Variants in ATP8A2 observed in about 807,000 individuals in gnomAD.
The protein encoded by ATP8A2 is phospholipid-transporting ATPase IB.
In ATP8A2, 100 loss-of-function variants were observed where a neutral mutation model predicts 165.6. That is an observed-to-expected ratio of 0.60 (90% CI 0.51 to 0.71). The LOEUF is 0.71. Among genes scored for constraint, ATP8A2 ranks in the 30% least tolerant of loss-of-function variants. The probability of loss-of-function intolerance (pLI) is 0.00; values close to 1 mark genes in which losing one functional copy is unlikely to be tolerated. For synonymous variants in ATP8A2, 543 were observed against 548.8 expected, an observed-to-expected ratio of 0.99 and a Z score of 0.15; for missense variants, 1,227 against 1,479.5, an observed-to-expected ratio of 0.83 and a Z score of 2.80.
intron 24 of ATP8A2, among the ~76,000 whole-genome samples, chr13:25,694,554 G>T (rs140116401): frequency 6.6e-6 from 1 of 152,180 alleles, no homozygotes; most frequent in Non-Finnish European, 1.5e-5. Context: ...ATTTCCCCAG[G>T]TCAGGGTAAT....
chr13:25,651,589 G>T (rs1170172252), intron 24 of ATP8A2, among the ~76,000 whole-genome samples: 3 of 151,656 alleles, frequency 2.0e-5, no homozygotes, highest in African/African-American at 7.3e-5. Context: ...TATGACTATA[G>T]CATCTCTCAG....
At chr13:25,667,122 C>A (rs974372920) in intron 24 of ATP8A2, among the ~76,000 whole-genome samples, 38 of 152,254 alleles carry the variant, frequency 2.5e-4, no homozygotes, top group Middle Eastern at 3.4e-3. Flanking sequence ...AATTAAAATC[C>A]TGTATCCATT....
At chr13:25,697,681 T>C (rs1481228036) in intron 24 of ATP8A2, among the ~76,000 whole-genome samples, 5 of 152,206 alleles carry the variant, frequency 3.3e-5, no homozygotes, top group Non-Finnish European at 5.9e-5. Flanking sequence ...TAATTTACGT[T>C]GATTAGTTTA....
In ATP8A2 at chr13:25,953,345, G is replaced by A. The variant is rs780657263; in HGVS notation, c.3184-8230G>A. On this transcript the variant is annotated intron_variant, in intron 33 of 36. Coordinates refer to ENST00000381655, the MANE Select transcript of ATP8A2 (RefSeq NM_016529.6). The surrounding 1 kb of genome is among the most constrained non-coding windows in gnomAD (Gnocchi z 6.7). Reference sequence around the variant, plus strand: ...TCTTCTGTAAAATGGGGACGGGGGGGATTAAATAAAATGCTTTATGGGAAG... The same window carrying A: ...TCTTCTGTAAAATGGGGACGGGGGGAATTAAATAAAATGCTTTATGGGAAG... 6.6e-6 allele frequency among the ~76,000 whole-genome samples: 1 copy of A among 151,672 alleles called. No homozygotes were observed. Among genetic ancestry groups the A allele is most frequent in the Non-Finnish European group, 1.5e-5 (1 of 67,946 alleles).
chr13:25,853,414 T>C (rs992733528), intron 30 of ATP8A2, among the ~76,000 whole-genome samples: 1 of 144,974 alleles, frequency 6.9e-6, no homozygotes, highest in Non-Finnish European at 1.5e-5. Context: ...TATATATGTA[T>C]ATATATATAG....
intron 1 of ATP8A2, among the ~76,000 whole-genome samples, chr13:25,379,494 G>A (rs1365139141): frequency 6.6e-6 from 1 of 152,194 alleles, no homozygotes; most frequent in Non-Finnish European, 1.5e-5. Context: ...TGGCCTGGCT[G>A]ATAATATATT....
chr13:25,582,433 G>A (rs1363501207), intron 23 of ATP8A2, among the ~76,000 whole-genome samples: 1 of 152,214 alleles, frequency 6.6e-6, no homozygotes, highest in Non-Finnish European at 1.5e-5. Flanking sequence ...TTGAAGAAAA[G>A]GAATTTAAGT....
chr13:25,513,041 G>A (rs370780842), intron 2 of ATP8A2, among the ~76,000 whole-genome samples: 23,193 of 147,092 alleles, frequency 0.16, 1,886 homozygotes, highest in African/African-American at 0.2. Context: ...CGGACGGGGC[G>A]GCTGGCCTGG....
chr13:25,505,390 A>G (rs2037003219), intron 2 of ATP8A2, among the ~76,000 whole-genome samples: 1 of 152,024 alleles, frequency 6.6e-6, no homozygotes, highest in South Asian at 2.1e-4. Context: ...TATAACCTTA[A>G]TGTCTGATAT....
intron 33 of ATP8A2, among the ~76,000 whole-genome samples, chr13:25,943,040 G>A (rs1450038710): frequency 6.6e-6 from 1 of 152,114 alleles, no homozygotes; most frequent in Non-Finnish European, 1.5e-5. Context: ...ACAGAAGGGA[G>A]GGGTCTGAGC....
chr13:25,403,510 G>A (rs2033704607), intron 1 of ATP8A2, among the ~76,000 whole-genome samples: 3 of 152,162 alleles, frequency 2.0e-5, no homozygotes, highest in Non-Finnish European at 2.9e-5. Context: ...GAGAATTCAA[G>A]TTGAGTTGTG....
At chr13:25,664,266 T>G (rs1400840114) in intron 24 of ATP8A2, among the ~76,000 whole-genome samples, 1 of 152,236 alleles carries the variant, frequency 6.6e-6, no homozygotes, top group African/African-American at 2.4e-5. Context: ...ACAAGAAAGA[T>G]CTTTACTTAC....
At position 25,514,149 on chromosome 13, in the gene ATP8A2, T is replaced by A. The variant is rs1593438599; in HGVS notation, c.222-15850T>A. The stretch of plus-strand genomic sequence containing the variant: ...TTAGCTTTATTTTTCACTTCCTTTT[T>A]TGCAATATTTTAGTTAGGCTAGCGT... On this transcript the variant is annotated intron_variant, in intron 2 of 36. Transcript: ENST00000381655. 2.0e-5 allele frequency among the ~76,000 whole-genome samples: 3 copies of A among 152,248 alleles called. No individual in the cohort carries two copies. The South Asian group carries it at 6.2e-4, about 31-fold the overall frequency.
At chr13:25,813,159 CAT>C (rs1566164760) in intron 27 of ATP8A2, among the ~76,000 whole-genome samples, 1 of 152,062 alleles carries the variant, frequency 6.6e-6, no homozygotes, top group East Asian at 1.9e-4. Flanking sequence ...CACCATAGCA[CAT>C]GTTTACCTAT....
At chr13:25,577,901 G>A (rs6491069) in intron 20 of ATP8A2, among the ~76,000 whole-genome samples, 18,066 of 152,182 alleles carry the variant, frequency 0.12, 1,306 homozygotes, top group Non-Finnish European at 0.18. Context: ...TTGAGTACAC[G>A]ATGAGTAGAG....
At chr13:25,399,427 T>C (rs1468780194) in intron 1 of ATP8A2, among the ~76,000 whole-genome samples, 24 of 71,592 alleles carry the variant, frequency 3.4e-4, no homozygotes, top group Admixed American at 2.3e-3. Context: ...GAGACGGAGT[T>C]TCGCTCTGTC....
chr13:25,653,700 G>A (rs1005709835), intron 24 of ATP8A2, among the ~76,000 whole-genome samples: 5 of 152,164 alleles, frequency 3.3e-5, no homozygotes, highest in African/African-American at 1.2e-4. Flanking sequence ...TTAATAAATT[G>A]CTTAAATGAA....
chr13:25,717,430 A>AAAAAAC (rs1555254276), intron 25 of ATP8A2, among the ~76,000 whole-genome samples: 1 of 151,424 alleles, frequency 6.6e-6, no homozygotes, highest in African/African-American at 2.4e-5. Context: ...AAAAAAAAAA[A>AAAAAAC]AAAAAACACC....
chr13:25,769,936 C>T (rs1364886472), intron 26 of ATP8A2, among the ~76,000 whole-genome samples: 2 of 152,126 alleles, frequency 1.3e-5, no homozygotes, highest in African/African-American at 2.4e-5. Context: ...AGGTCCACTC[C>T]GTAATGATAG....
Sources: gnomAD v4.1 joint callset for allele counts (sites outside exome capture counted in the v4.1 genomes callset) on GRCh38, gnomAD v4.1.1 for gene constraint, Gnocchi (gnomAD v3.1) non-coding constraint, MANE v1.5 for transcripts, NCBI Gene and HGNC (gene_info 2026-07-23, HGNC 2026-07-21) for gene names.